The following IMPG1 variants were observed in gnomAD, a reference collection of about 807,000 sequenced individuals.
The protein encoded by IMPG1 is interphotoreceptor matrix proteoglycan 1.
A neutral mutation model predicts 92.0 loss-of-function variants in IMPG1; 85 were observed. The ratio of observed to expected loss-of-function variants is 0.92; its 90% confidence interval spans 0.78 to 1.11. IMPG1 has a LOEUF of 1.11. Among genes scored for constraint, IMPG1 ranks in the 50% least tolerant of loss-of-function variants. The pLI, the probability that IMPG1 is intolerant of heterozygous loss-of-function variation, is 0.00. For synonymous variants in IMPG1, 367 were observed against 334.1 expected, an observed-to-expected ratio of 1.10 and a Z score of -1.08; for missense variants, 1,022 against 956.0, an observed-to-expected ratio of 1.07 and a Z score of -0.91.
chr6:76,000,116 A>G (rs1005288990), intron 12 of IMPG1, among the ~76,000 whole-genome samples: 1 of 152,236 alleles, frequency 6.6e-6, no homozygotes, highest in African/African-American at 2.4e-5. Context: ...ATGCAGATCT[A>G]TATTAGGTGA....
intron 12 of IMPG1, among the ~76,000 whole-genome samples, chr6:75,970,573 T>C (rs6933014): frequency 0.37 from 55,887 of 152,020 alleles, 10,656 homozygotes; most frequent in East Asian, 0.6. Context: ...TAATCAGCCC[T>C]TATATGAGGA....
In IMPG1 at chr6:76,032,938, C is replaced by G. The variant is rs143210190; in HGVS notation, c.497+1377G>C. On this transcript the variant is annotated intron_variant, in intron 4 of 16. Transcript: ENST00000369950. Reference sequence around the variant, plus strand: ...TCTGGATTAGTTAGTTTGGCTTCTGCCTCAGTGAAAGTTCTAGCAAGAAAC... The same window carrying G: ...TCTGGATTAGTTAGTTTGGCTTCTGGCTCAGTGAAAGTTCTAGCAAGAAAC... Among the ~76,000 whole-genome samples the G allele has an allele frequency of 2.1e-3, 324 of 152,214 alleles. 3 individuals carry two copies. Among genetic ancestry groups the G allele is most frequent in the African/African-American group, 7.6e-3 (317 of 41,530 alleles).
chr6:76,004,202 A>G (rs1783050180), intron 10 of IMPG1, among the ~76,000 whole-genome samples: 2 of 152,184 alleles, frequency 1.3e-5, no homozygotes, highest in African/African-American at 4.8e-5. Context: ...TAGGGTGCTC[A>G]GTTTTATTCT....
At chr6:76,005,263 A>G in intron 10 of IMPG1, 24 bp downstream of exon 10, 3 of 1,609,072 alleles carry the variant, frequency 1.9e-6, no homozygotes, top group East Asian at 2.2e-5. Flanking sequence ...GAATAAACTC[A>G]GAACTAAGCA....
At chr6:76,018,466 G>A (rs1038750215) in intron 7 of IMPG1, among the ~76,000 whole-genome samples, 10 of 152,276 alleles carry the variant, frequency 6.6e-5, no homozygotes, top group Non-Finnish European at 8.8e-5. Context: ...CAGGGTAACC[G>A]AAACTGTGGA....
At chr6:76,033,209 T>C (rs866507673) in intron 4 of IMPG1, among the ~76,000 whole-genome samples, 2 of 152,124 alleles carry the variant, frequency 1.3e-5, no homozygotes, top group African/African-American at 4.8e-5. Flanking sequence ...AGAAGGCCAA[T>C]AGGCCTTAAA....
intron 12 of IMPG1, among the ~76,000 whole-genome samples, chr6:75,964,364 T>A (rs1455003854): frequency 6.6e-6 from 1 of 152,038 alleles, no homozygotes. Context: ...GAATTTTATG[T>A]TATGTGAATT....
At chr6:75,939,123 G>A (rs901843278) in intron 14 of IMPG1, among the ~76,000 whole-genome samples, 1 of 152,184 alleles carries the variant, frequency 6.6e-6, no homozygotes, top group Non-Finnish European at 1.5e-5. Flanking sequence ...ACAGGCGTGA[G>A]CCACCGCTCC....
intron 15 of IMPG1, among the ~76,000 whole-genome samples, chr6:75,929,258 C>A (rs1044581770): frequency 1.6e-4 from 24 of 152,182 alleles, no homozygotes; most frequent in Admixed American, 1.6e-3. Flanking sequence ...TATTCCCACA[C>A]TGAGTATCAT....
intron 1 of IMPG1, among the ~76,000 whole-genome samples, chr6:76,063,097 G>C (rs1335281236): frequency 6.6e-6 from 1 of 151,982 alleles, no homozygotes; most frequent in African/African-American, 2.4e-5. Context: ...ACAGCTACTT[G>C]GGAGGCTGAG....
chr6:76,068,488 C>A (rs1305946435), intron 1 of IMPG1, among the ~76,000 whole-genome samples: 10 of 142,810 alleles, frequency 7.0e-5, no homozygotes, highest in Admixed American at 4.2e-4. Flanking sequence ...TTGGAAGAAT[C>A]AATATTTTTA....
intron 8 of IMPG1, among the ~76,000 whole-genome samples, chr6:76,008,250 A>C (rs1440072317): frequency 2.6e-5 from 4 of 152,208 alleles, no homozygotes; most frequent in Non-Finnish European, 2.9e-5. Flanking sequence ...TCATTTTTCC[A>C]TGCTACCACC....
intron 12 of IMPG1, among the ~76,000 whole-genome samples, chr6:75,989,775 G>A (rs1254889574): frequency 6.6e-6 from 1 of 152,154 alleles, no homozygotes; most frequent in Non-Finnish European, 1.5e-5. Flanking sequence ...CCCATGAGGT[G>A]GAGGCTGCAG....
intron 12 of IMPG1, among the ~76,000 whole-genome samples, chr6:75,997,490 G>A (rs901961631): frequency 7.9e-5 from 12 of 152,278 alleles, no homozygotes; most frequent in African/African-American, 2.4e-4. Flanking sequence ...GCATACCTAC[G>A]TTTAATCAAT....
rs776655269 is a variant in IMPG1 at position 75,950,960 on chromosome 6, C to T, written c.1426G>A (p.Val476Ile). Reference sequence around the variant, plus strand: ...CTGGTGGGGATGGTGAGCCCTGGTACTAGCATTGTCTGGTCAGTGGCCATT... The same window carrying T: ...CTGGTGGGGATGGTGAGCCCTGGTATTAGCATTGTCTGGTCAGTGGCCATT... ...DTMATDQTML[V>I]PGLTIPTSDY... Residue 476 changes from valine to isoleucine, a missense_variant, in exon 13 of 17, where the codon GTA (valine) becomes ATA (isoleucine). Around this residue, in one of 3 missense-constraint regions of IMPG1, gnomAD observed 681 missense variants for 583.6 expected, o/e 1.17. Transcript: ENST00000369950. The T allele has an allele frequency of 5.0e-6, 8 of 1,613,828 alleles. No individual in the cohort carries two copies. Among genetic ancestry groups the T allele is most frequent in the Non-Finnish European group, 5.9e-6 (7 of 1,179,952 alleles).
intron 1 of IMPG1, among the ~76,000 whole-genome samples, chr6:76,067,888 C>A (rs756847882): frequency 6.6e-6 from 1 of 152,052 alleles, no homozygotes; most frequent in East Asian, 1.9e-4. Flanking sequence ...TCAGCATATA[C>A]AAATCAATAA....
intron 12 of IMPG1, among the ~76,000 whole-genome samples, 174 bp from the exon 13 acceptor site, chr6:75,951,268 C>T (rs994100052): frequency 4.0e-5 from 6 of 151,436 alleles, no homozygotes; most frequent in Non-Finnish European, 5.9e-5. Context: ...AAAGGGCAGG[C>T]AGCACTATGT....
At chr6:76,065,836 C>T (rs1784300070) in intron 1 of IMPG1, among the ~76,000 whole-genome samples, 2 of 152,098 alleles carry the variant, frequency 1.3e-5, no homozygotes, top group African/African-American at 4.8e-5. Flanking sequence ...AGAAAAGCCT[C>T]TAATCACCTA....
At chr6:76,047,952 A>G (rs1189980222) in intron 1 of IMPG1, among the ~76,000 whole-genome samples, 1 of 152,212 alleles carries the variant, frequency 6.6e-6, no homozygotes, top group Non-Finnish European at 1.5e-5. Context: ...AGACCAGAAA[A>G]GAGATGGTTT....
Sources: allele counts gnomAD v4.1 joint callset (sites outside exome capture counted in the v4.1 genomes callset), GRCh38; gene constraint gnomAD v4.1.1; regional missense constraint gnomAD v4.1.1; transcripts MANE v1.5; gene names NCBI Gene and HGNC (gene_info 2026-07-23, HGNC 2026-07-21).